Variants in TLN1 observed in about 807,000 individuals in gnomAD.
TLN1 encodes talin 1.
A neutral mutation model predicts 292.3 loss-of-function variants in TLN1; 56 were observed. The ratio of observed to expected loss-of-function variants is 0.19; its 90% CI spans 0.15 to 0.24. The LOEUF is 0.24. Ranked by LOEUF, TLN1 falls within the 10% of genes least tolerant of loss-of-function variation. TLN1 has a pLI of 1.00. For missense variants in TLN1, 2,433 were observed against 3,248.2 expected, an observed-to-expected ratio of 0.75 and a Z score of 6.10; for synonymous variants, 1,119 against 1,253.7, an observed-to-expected ratio of 0.89 and a Z score of 2.27.
At position 35,717,201 on chromosome 9, in the gene TLN1, A is replaced by G. The variant is rs142237326; in HGVS notation, c.2403T>C (p.Ala801=). Residue 801 remains alanine (A), a synonymous_variant, in exon 19 of 57, where the codon GCT becomes GCC. Transcript: ENST00000314888. The surrounding 1 kb of genome is among the most constrained non-coding windows in gnomAD (Gnocchi z 4.7). ...CAGTGACGGTTAGGATGGTGTCAGT[A>G]GCCTGGTCATAACGGCCAGCAGGCC... ...GAGPAGRYDQ[A]TDTILTVTEN... 12 of 1,613,694 alleles carry G rather than the reference A, an allele frequency of 7.4e-6. No individual in the cohort carries two copies. The highest frequency in any genetic ancestry group is 5.0e-5 in the Admixed American group (3 of 60,026).
At chr9:35,718,347 G>A (rs1437579013) in intron 17 of TLN1, among the ~76,000 whole-genome samples, 1 of 152,246 alleles carries the variant, frequency 6.6e-6, no homozygotes, top group Non-Finnish European at 1.5e-5. Flanking sequence ...CCAGGCCAGA[G>A]GCTGTTACCG....
chr9:35,711,938 G>C, intron 28 of TLN1, 67 bp downstream of exon 28: 2 of 1,599,438 alleles, frequency 1.3e-6, no homozygotes, highest in Non-Finnish European at 1.7e-6. Context: ...GGACAACCGA[G>C]AGGGAGGAAG....
chr9:35,702,649 C>A (rs534588458), intron 48 of TLN1, among the ~76,000 whole-genome samples: 2 of 151,922 alleles, frequency 1.3e-5, no homozygotes, highest in Non-Finnish European at 2.9e-5. Context: ...CGTGCCACCA[C>A]GCCCAGCTAA....
rs1217021624 is a variant in TLN1 at position 35,699,404 on chromosome 9, C to G, written c.6826G>C (p.Val2276Leu). 6.2e-7 allele frequency: 1 copy of G among 1,614,098 alleles called. No individual in the cohort carries two copies. Among genetic ancestry groups the G allele is most frequent in the East Asian group, 2.2e-5 (1 of 44,892 alleles). The change falls in exon 51 of 57, where the codon GTG becomes CTG. Residue 2276 changes from valine to leucine, a missense_variant. Around this residue, in one of 7 missense-constraint regions of TLN1, gnomAD observed 1,384 missense variants for 1,699.6 expected, o/e 0.81. Coordinates refer to ENST00000314888, the MANE Select transcript of TLN1 (RefSeq NM_006289.4). This position sits in a 1 kb window ranked among gnomAD's most constrained non-coding sequence, Gnocchi z 4.0. ...ATGAGCTCAGTGACGGAACCAGCCA[C>G]ACGCTTTGAATGTCCTGTCAACTGC... ...KQQLTGHSKR[V>L]AGSVTELIQA...
chr9:35,711,291 G>T lies in TLN1; in HGVS notation c.3983C>A (p.Ala1328Asp), dbSNP rs983546599. 1 of 1,614,174 alleles carries T rather than the reference G, an allele frequency of 6.2e-7. No individual in the cohort carries two copies. The highest frequency in any genetic ancestry group is 8.5e-7 in the Non-Finnish European group (1 of 1,180,034). Reference sequence around the variant, plus strand: ...AGCCAGCTGACTCTTGAGGTTAGGGGCAGCAGGGTCCGTGGACAGGGCCTT... The same window carrying T: ...AGCCAGCTGACTCTTGAGGTTAGGGTCAGCAGGGTCCGTGGACAGGGCCTT... ...AAKALSTDPA[A>D]PNLKSQLAAA... Residue 1328 changes from alanine to aspartate, a missense_variant, in exon 30 of 57, where the codon GCC becomes GAC. By Grantham distance (126) the Ala-to-Asp change is moderately radical. Around this residue, in one of 7 missense-constraint regions of TLN1, gnomAD observed 1,384 missense variants for 1,699.6 expected, o/e 0.81. Coordinates refer to ENST00000314888, the MANE Select transcript of TLN1 (RefSeq NM_006289.4).
Position 35,698,762 on chromosome 9 carries a change from C to T in TLN1, c.7125+46G>A. 1 of 1,613,748 alleles carries T rather than the reference C, an allele frequency of 6.2e-7. No individual in the cohort carries two copies. Among genetic ancestry groups the T allele is most frequent in the Non-Finnish European group, 8.5e-7 (1 of 1,179,688 alleles). ...TGGCTATGGATGTGGATGTGGACAT[C>T]AAAGTGCCAACCTGTCCCCATTCTT... On this transcript the variant is annotated intron_variant, in intron 53 of 56. Coordinates refer to ENST00000314888, the MANE Select transcript of TLN1 (RefSeq NM_006289.4). The surrounding 1 kb of genome is among the most constrained non-coding windows in gnomAD (Gnocchi z 5.3).
rs780974070 is a variant in TLN1 at position 35,699,392 on chromosome 9, C to T, written c.6838G>A (p.Val2280Ile). 1.8e-5 allele frequency: 29 copies of T among 1,613,922 alleles called. No individual in the cohort carries two copies. Among genetic ancestry groups the T allele is most frequent in the African/African-American group, 2.7e-5 (2 of 75,056 alleles). ...TCAGCAGCCTGGATGAGCTCAGTGA[C>T]GGAACCAGCCACACGCTTTGAATGT... is the stretch of plus-strand genomic sequence containing the variant. Reference protein sequence around the residue: ...TGHSKRVAGSVTELIQAAEAM... With the variant: ...TGHSKRVAGSITELIQAAEAM... Residue 2280 changes from valine (V) to isoleucine (I), a missense_variant, in exon 51 of 57, where the codon GTC becomes ATC. Physicochemically the swap from Val to Ile is conservative, Grantham distance 29. Coordinates refer to ENST00000314888, the MANE Select transcript of TLN1 (RefSeq NM_006289.4). The surrounding 1 kb of genome is among the most constrained non-coding windows in gnomAD (Gnocchi z 4.0).
rs750346471 is a variant in TLN1, at chr9:35,722,107, C to A, written c.948+12G>T. 2 of 1,611,132 alleles carry A rather than the reference C, an allele frequency of 1.2e-6. No homozygotes were observed. Among genetic ancestry groups the A allele is most frequent in the East Asian group, 4.5e-5 (2 of 44,870 alleles). On this transcript the variant is annotated intron_variant, in intron 9 of 56. Coordinates refer to ENST00000314888, the MANE Select transcript of TLN1 (RefSeq NM_006289.4). ...GAAACAAGGAGGGCAGTGAAAAGGG[C>A]CCATAACCTACCTTCACCAGGAAGA...
chr9:35,700,430 G>A (rs914435049), intron 48 of TLN1, 54 bp from the exon 49 acceptor site: 1 of 1,534,212 alleles, frequency 6.5e-7, no homozygotes, highest in African/African-American at 1.4e-5. Flanking sequence ...CTATGAGACA[G>A]CGTAGAACTC....
chr9:35,699,543 C>A lies in TLN1; in HGVS notation c.6769-82G>T. ...CTATGAAATAGGGCAGACCATGGCCCCCTCACCCCTATCCCTAGAGCACTC... is the reference window on the plus strand; with the variant it reads ...CTATGAAATAGGGCAGACCATGGCCACCTCACCCCTATCCCTAGAGCACTC... On this transcript the variant is annotated intron_variant, in intron 50 of 56. Transcript: ENST00000314888. The surrounding 1 kb of genome is among the most constrained non-coding windows in gnomAD (Gnocchi z 4.0). 6.7e-7 allele frequency: 1 copy of A among 1,501,514 alleles called. No individual in the cohort carries two copies. The highest frequency in any genetic ancestry group is 8.9e-7 in the Non-Finnish European group (1 of 1,120,750). The allele number at this position is 1,501,514 out of a possible 1,614,324, so 93.0% of individuals were successfully genotyped here.
In TLN1 at chr9:35,704,314, G is replaced by A. The variant is rs1364971892; in HGVS notation, c.6047+18C>T. On this transcript the variant is annotated intron_variant, in intron 45 of 56. Transcript: ENST00000314888. The surrounding 1 kb of genome is among the most constrained non-coding windows in gnomAD (Gnocchi z 6.9). Reference sequence around the variant, plus strand: ...GCCCCGACCTGTCTGCCTCCCTTAGGCCCAGTTCCTGTCTTACCGGTGGTC... The same window carrying A: ...GCCCCGACCTGTCTGCCTCCCTTAGACCCAGTTCCTGTCTTACCGGTGGTC... 5 of 1,609,750 alleles carry A rather than the reference G, an allele frequency of 3.1e-6. No homozygotes were observed. Among genetic ancestry groups the A allele is most frequent in the Non-Finnish European group, 4.2e-6 (5 of 1,177,566 alleles).
At position 35,707,177 on chromosome 9, in the gene TLN1, G is replaced by A; in HGVS notation, c.4850C>T (p.Ala1617Val). The A allele has an allele frequency of 1.2e-6, 2 of 1,609,984 alleles. No individual in the cohort carries two copies. The highest frequency in any genetic ancestry group is 2.2e-5 in the East Asian group (1 of 44,876). Residue 1617 changes from alanine to valine, a missense_variant, in exon 37 of 57, where the codon GCC (alanine) becomes GTC (valine). Physicochemically the swap from Ala to Val is moderately conservative, Grantham distance 64 (BLOSUM62 0). This residue lies in a region of TLN1 where 1,384 missense variants were observed against 1,699.6 expected (regional missense o/e 0.81). Coordinates refer to ENST00000314888, the MANE Select transcript of TLN1 (RefSeq NM_006289.4). This position sits in a 1 kb window ranked among gnomAD's most constrained non-coding sequence, Gnocchi z 5.6. ...CCGGGGATTGACTGCGAGGGCCCGG[G>A]CTGTCTGGATGAGTCCCCCGGCACT... is the stretch of plus-strand genomic sequence containing the variant. ...LESAGGLIQT[A>V]RALAVNPRDP...
Position 35,704,187 on chromosome 9 carries a change from C to G in TLN1, c.6048-13G>C, listed in dbSNP as rs372348259. ...CAGGATGCCCTCCCTGAGGGAGGGC[C>G]CAGCTTAGTCAGATCTCCCCTACCC... On this transcript the variant is annotated splice_polypyrimidine_tract_variant and intron_variant, in intron 45 of 56. Coordinates refer to ENST00000314888, the MANE Select transcript of TLN1 (RefSeq NM_006289.4). This position sits in a 1 kb window ranked among gnomAD's most constrained non-coding sequence, Gnocchi z 6.9. The G allele has an allele frequency of 4.4e-6, 7 of 1,577,706 alleles. No individual in the cohort carries two copies. The highest frequency in any genetic ancestry group is 6.0e-6 in the Non-Finnish European group (7 of 1,160,220).
At chr9:35,703,119 G>C (rs984655431) in intron 48 of TLN1, among the ~76,000 whole-genome samples, 2 of 152,120 alleles carry the variant, frequency 1.3e-5, no homozygotes, top group Non-Finnish European at 2.9e-5. Context: ...TGGTCAACAT[G>C]GTGAAACCCC....
intron 33 of TLN1, among the ~76,000 whole-genome samples, chr9:35,709,653 T>C (rs1365171680): frequency 1.7e-3 from 212 of 124,344 alleles, no homozygotes; most frequent in Middle Eastern, 0.011. Context: ...CTTTGGGAGG[T>C]CGAGACGGGC....
At chr9:35,720,377 T>G (rs1447939116) in intron 12 of TLN1, 56 bp downstream of exon 12, 1 of 1,594,350 alleles carries the variant, frequency 6.3e-7, no homozygotes, top group Non-Finnish European at 8.6e-7. Flanking sequence ...GTCCTTAGAG[T>G]CAGGCCTTGC....
chr9:35,706,567 A>G lies in TLN1; in HGVS notation c.5089-16T>C, dbSNP rs1484741466. 9.3e-6 allele frequency: 15 copies of G among 1,612,910 alleles called. No individual in the cohort carries two copies. Among genetic ancestry groups the G allele is most frequent in the African/African-American group, 1.3e-5 (1 of 74,890 alleles). On this transcript the variant is annotated splice_polypyrimidine_tract_variant and intron_variant, in intron 38 of 56. Transcript: ENST00000314888. The surrounding 1 kb of genome is among the most constrained non-coding windows in gnomAD (Gnocchi z 4.2). ...TGTGCAAGGCCTGGGGAGGAAGTGG[A>G]CATTAGCCCTGATGGTGACCTGCAA...
chr9:35,704,924 A>G lies in TLN1; in HGVS notation c.5734-109T>C. ...TAGAAAAAAACATGCATTGTAGACT[A>G]AAGAAGCAGAGAGAGAAGGTTCCCA... is the stretch of plus-strand genomic sequence containing the variant. On this transcript the variant is annotated intron_variant, in intron 43 of 56. Coordinates refer to ENST00000314888, the MANE Select transcript of TLN1 (RefSeq NM_006289.4). This position sits in a 1 kb window ranked among gnomAD's most constrained non-coding sequence, Gnocchi z 6.9. The G allele has an allele frequency of 7.6e-7, 1 of 1,313,850 alleles. No individual in the cohort carries two copies. The highest frequency in any genetic ancestry group is 1.0e-6 in the Non-Finnish European group (1 of 961,708). 81.4% of individuals were successfully genotyped at this position (1,313,850 alleles called of 1,614,324 possible).
Position 35,718,545 on chromosome 9 carries a change from T to C in TLN1, c.1995+267A>G, listed in dbSNP as rs1200715832. 2.6e-5 allele frequency among the ~76,000 whole-genome samples: 4 copies of C among 151,986 alleles called. No homozygotes were observed. In the South Asian group the frequency reaches 6.2e-4, roughly 24 times the overall value. ...GGTCCTCAAATTGGGGCAAGGGCTA[T>C]GTACGGGGAAGAGAGAGAAAAGATG... is the stretch of plus-strand genomic sequence containing the variant. On this transcript the variant is annotated intron_variant, in intron 17 of 56. Transcript: ENST00000314888.
Sources: gnomAD v4.1 joint callset for allele counts (sites outside exome capture counted in the v4.1 genomes callset) on GRCh38, gnomAD v4.1.1 for gene constraint, gnomAD v4.1.1 regional missense constraint, Gnocchi (gnomAD v3.1) non-coding constraint, MANE v1.5 for transcripts, NCBI Gene and HGNC (gene_info 2026-07-23, HGNC 2026-07-21) for gene names.